The following RNF115 variants were observed in gnomAD, a reference collection of about 807,000 sequenced individuals.
The protein encoded by RNF115 is E3 ubiquitin-protein ligase RNF115.
A neutral mutation model predicts 39.2 loss-of-function variants in RNF115; 31 were observed. The observed-to-expected ratio is 0.79, with a 90% CI of 0.59 to 1.07. The LOEUF is 1.07. Ranked by LOEUF, RNF115 falls within the 50% of genes least tolerant of loss-of-function variation. RNF115 has a pLI of 0.00. For missense variants in RNF115, 384 were observed against 381.7 expected (o/e 1.01, Z -0.05); for synonymous variants, 124 against 131.0 (o/e 0.95, Z 0.37).
rs587754157 is a variant in RNF115 at position 145,741,441 on chromosome 1, T to G, written c.*5425A>C. 6.6e-6 allele frequency: 1 copy of G among 152,328 alleles called. No individual in the cohort carries two copies. Among genetic ancestry groups the G allele is most frequent in the South Asian group, 2.1e-4 (1 of 4,834 alleles). 9.4% of individuals were successfully genotyped at this position (152,328 alleles called of 1,614,324 possible). On this transcript the variant is annotated 3_prime_UTR_variant, in exon 9 of 9. Coordinates refer to ENST00000582693, the MANE Select transcript of RNF115 (RefSeq NM_014455.4). ...GGCTCTATTTTGATCCTGGAAAGCA[T>G]CACCAGCTGTATACATTGTATTCTA...
chr1:145,752,585 CTTTTTTT>C (rs60257682), intron 5 of RNF115, among the ~76,000 whole-genome samples: 13 of 83,762 alleles, frequency 1.6e-4, no homozygotes, highest in African/African-American at 6.3e-4. Context: ...CTATGCAGCT[CTTTTTTT>C]TTTTTTTTTT....
intron 1 of RNF115, among the ~76,000 whole-genome samples, chr1:145,790,254 C>T (rs1183660068): frequency 2.0e-5 from 3 of 152,066 alleles, no homozygotes; most frequent in African/African-American, 7.2e-5. Context: ...GATTCTCCTG[C>T]CTCAGTCTCC....
chr1:145,787,640 A>G (rs1482457382), intron 2 of RNF115, among the ~76,000 whole-genome samples: 1 of 151,470 alleles, frequency 6.6e-6, no homozygotes, highest in Non-Finnish European at 1.5e-5. Context: ...TAATCCCAGC[A>G]CTTTGGGAGG....
At chr1:145,766,715 C>T (rs1442082782) in intron 4 of RNF115, among the ~76,000 whole-genome samples, 17 of 125,864 alleles carry the variant, frequency 1.4e-4, no homozygotes, top group Non-Finnish European at 2.7e-4. Flanking sequence ...GCTGTCCGGG[C>T]AGAGGGGCTC....
chr1:145,778,595 T>G (rs190666543), intron 3 of RNF115, among the ~76,000 whole-genome samples: 1 of 152,294 alleles, frequency 6.6e-6, no homozygotes, highest in Admixed American at 6.5e-5. Context: ...TCACAGGCGA[T>G]TTTGTGAAAA....
intron 1 of RNF115, among the ~76,000 whole-genome samples, chr1:145,808,028 T>A (rs1461122015): frequency 6.7e-6 from 1 of 148,448 alleles, no homozygotes; most frequent in African/African-American, 2.5e-5. Context: ...GACTTGATTC[T>A]TTCTTATGGC....
intron 4 of RNF115, among the ~76,000 whole-genome samples, chr1:145,755,812 A>G (rs1658273553): frequency 6.6e-6 from 1 of 152,144 alleles, no homozygotes; most frequent in Non-Finnish European, 1.5e-5. Context: ...TCTGATTAGA[A>G]ACTGGAGGGA....
At position 145,803,062 on chromosome 1, in the gene RNF115, A is replaced by C. The variant is rs587659561; in HGVS notation, c.103-14096T>G. On this transcript the variant is annotated intron_variant, in intron 1 of 8. Coordinates refer to ENST00000582693, the MANE Select transcript of RNF115 (RefSeq NM_014455.4). ...TTTCTAGAGTACAAATACTGTCCTC[A>C]CTGACTTCTTTCTCTCAACTCTCCT... Among the ~76,000 whole-genome samples, 4 of 152,306 alleles carry C rather than the reference A, an allele frequency of 2.6e-5. No homozygotes were observed. In the South Asian group the frequency reaches 8.3e-4, roughly 32 times the overall value.
chr1:145,818,110 A>G (rs1271766355), intron 1 of RNF115, among the ~76,000 whole-genome samples: 9 of 151,832 alleles, frequency 5.9e-5, no homozygotes, highest in Admixed American at 3.3e-4. Flanking sequence ...TCCTCTGGGT[A>G]TATACCCAGT....
At chr1:145,806,691 C>A (rs1226691340) in intron 1 of RNF115, among the ~76,000 whole-genome samples, 1 of 152,178 alleles carries the variant, frequency 6.6e-6, no homozygotes, top group South Asian at 2.1e-4. Context: ...TTGCGGAACA[C>A]CTGCTTCCCC....
At chr1:145,750,592 C>G (rs1375135672) in intron 6 of RNF115, 92 bp from the exon 7 acceptor site, 15 of 925,736 alleles carry the variant, frequency 1.6e-5, no homozygotes, top group Non-Finnish European at 2.6e-5. Context: ...ACAGTGCAGA[C>G]ATTAGGTATG....
intron 4 of RNF115, among the ~76,000 whole-genome samples, chr1:145,758,687 C>T (rs1240277058): frequency 1.3e-5 from 2 of 152,068 alleles, no homozygotes; most frequent in Non-Finnish European, 2.9e-5. Context: ...AAAGTCAATC[C>T]TATATGAATG....
chr1:145,782,391 G>A (rs1364456626), intron 3 of RNF115, among the ~76,000 whole-genome samples: 3 of 152,150 alleles, frequency 2.0e-5, no homozygotes, highest in East Asian at 1.9e-4. Context: ...GGAACCTGAG[G>A]TGGGAGGATC....
At chr1:145,794,974 G>T (rs1453166113) in intron 1 of RNF115, among the ~76,000 whole-genome samples, 1 of 137,750 alleles carries the variant, frequency 7.3e-6, no homozygotes, top group Non-Finnish European at 1.5e-5. Context: ...CCTAGATCGC[G>T]CCACCGCACT....
At chr1:145,771,608 G>C in intron 4 of RNF115, 103 bp downstream of exon 4, 3 of 873,962 alleles carry the variant, frequency 3.4e-6, no homozygotes, top group Non-Finnish European at 5.3e-6. Context: ...TGTCCATCTT[G>C]TCCACAAAGG....
At chr1:145,810,798 T>C (rs1216711619) in intron 1 of RNF115, among the ~76,000 whole-genome samples, 6 of 143,564 alleles carry the variant, frequency 4.2e-5, no homozygotes, top group African/African-American at 1.6e-4. Context: ...ATCTGTATAA[T>C]TACCAAAGCC....
intron 1 of RNF115, among the ~76,000 whole-genome samples, chr1:145,790,154 T>C (rs192965117): frequency 2.4e-4 from 37 of 152,306 alleles, no homozygotes; most frequent in African/African-American, 7.9e-4. Flanking sequence ...TATTTGTTTA[T>C]TTAGAGACGG....
intron 1 of RNF115, among the ~76,000 whole-genome samples, chr1:145,811,355 CAAAA>C (rs71829191): frequency 2.3e-4 from 14 of 60,450 alleles, no homozygotes; most frequent in African/African-American, 1.0e-3. Flanking sequence ...CCATCACTAC[CAAAA>C]AAAAAAAAAA....
intron 1 of RNF115, among the ~76,000 whole-genome samples, chr1:145,819,689 C>A (rs1236373498): frequency 6.6e-6 from 1 of 152,176 alleles, no homozygotes; most frequent in Non-Finnish European, 1.5e-5. Flanking sequence ...CCCTAATGAA[C>A]ACAGACACAA....
Sources: gnomAD v4.1 joint callset for allele counts (sites outside exome capture counted in the v4.1 genomes callset) on GRCh38, gnomAD v4.1.1 for gene constraint, MANE v1.5 for transcripts, NCBI Gene and HGNC (gene_info 2026-07-23, HGNC 2026-07-21) for gene names.